Variants in SERPINF2 observed in about 807,000 individuals in gnomAD.
The protein encoded by SERPINF2 is alpha-2-antiplasmin.
SERPINF2 carries 15 observed loss-of-function variants against 45.0 expected under a neutral mutation model. The observed-to-expected ratio is 0.33, with a 90% CI of 0.22 to 0.51. SERPINF2 has a LOEUF of 0.51. Among genes scored for constraint, SERPINF2 ranks in the 20% least tolerant of loss-of-function variants. SERPINF2 has a pLI of 0.97. For synonymous variants in SERPINF2, 283 were observed against 277.9 expected (o/e 1.02, Z -0.18); for missense variants, 518 against 637.4 (o/e 0.81, Z 2.02).
At chr17:1,747,610 G>A (rs1296435481) in intron 7 of SERPINF2, 98 bp downstream of exon 7, 3 of 1,373,174 alleles carry the variant, frequency 2.2e-6, no homozygotes, top group African/African-American at 2.9e-5. Context: ...TGTCACCCAG[G>A]GTGGAGCGCA....
chr17:1,742,936 C>A (rs1438709834), intron 1 of SERPINF2, 28 bp downstream of exon 1: 2 of 985,478 alleles, frequency 2.0e-6, no homozygotes, highest in South Asian at 4.7e-5. Context: ...GCTCGGCCTG[C>A]TCCTTGGGTA....
In SERPINF2 at chr17:1,754,545, C is replaced by T. The variant is rs780034922; in HGVS notation, c.*11C>T. The T allele has an allele frequency of 1.1e-5, 17 of 1,604,106 alleles. No homozygotes were observed. Among genetic ancestry groups the T allele is most frequent in the South Asian group, 5.5e-5 (5 of 90,752 alleles). Reference sequence around the variant, plus strand: ...GGCAGCCCCAAGTGAGGGGCCGTGGCTGTGGCATCCAGAGTCCCTGCCTGG... The same window carrying T: ...GGCAGCCCCAAGTGAGGGGCCGTGGTTGTGGCATCCAGAGTCCCTGCCTGG... On this transcript the variant is annotated 3_prime_UTR_variant, in exon 10 of 10. Coordinates refer to ENST00000453066, the MANE Select transcript of SERPINF2 (RefSeq NM_000934.4).
Position 1,754,236 on chromosome 17 carries a change from C to T in SERPINF2, c.1178C>T (p.Ala393Val), listed in dbSNP as rs763001328. 40 of 1,613,724 alleles carry T rather than the reference C, an allele frequency of 2.5e-5. No individual in the cohort carries two copies. Among genetic ancestry groups the T allele is most frequent in the Non-Finnish European group, 2.9e-5 (34 of 1,179,984 alleles). The change falls in exon 10 of 10, where the codon GCG (alanine) becomes GTG (valine). Residue 393 changes from alanine (A) to valine (V), a missense_variant. Around this residue, in one of 2 missense-constraint regions of SERPINF2, gnomAD observed 435 missense variants for 577.3 expected, o/e 0.75. Coordinates refer to ENST00000453066, the MANE Select transcript of SERPINF2 (RefSeq NM_000934.4). ...TLELSEVGVE[A>V]AAATSIAMSR... The stretch of plus-strand genomic sequence containing the variant: ...GAGCTCAGCGAGGTCGGCGTGGAGG[C>T]GGCGGCGGCCACCAGCATTGCCATG...
chr17:1,744,388 G>A (rs1905596536), intron 1 of SERPINF2, among the ~76,000 whole-genome samples: 1 of 152,104 alleles, frequency 6.6e-6, no homozygotes, highest in South Asian at 2.1e-4. Context: ...AGCTATTCGG[G>A]AGGCTGAAGC....
At chr17:1,748,841 G>A (rs545667334) in intron 8 of SERPINF2, 101 bp downstream of exon 8, 31 of 777,476 alleles carry the variant, frequency 4.0e-5, no homozygotes, top group East Asian at 2.2e-4. Context: ...AGGCTGTCTC[G>A]CCTTCCTTGC....
Position 1,754,111 on chromosome 17 carries a change from G to A in SERPINF2, c.1064-11G>A. On this transcript the variant is annotated splice_polypyrimidine_tract_variant and intron_variant, in intron 9 of 9. Coordinates refer to ENST00000453066, the MANE Select transcript of SERPINF2 (RefSeq NM_000934.4). ...GGGCAGCTCTGACCAGCCATCTCTG[G>A]CCCTGGGCAGGCCTGCAGGAGTTGT... 6.2e-7 allele frequency: 1 copy of A among 1,602,784 alleles called. No homozygotes were observed. Among genetic ancestry groups the A allele is most frequent in the Non-Finnish European group, 8.5e-7 (1 of 1,179,984 alleles).
At position 1,745,635 on chromosome 17, in the gene SERPINF2, C is replaced by T; in HGVS notation, c.166-73C>T. 2 of 1,456,350 alleles carry T rather than the reference C, an allele frequency of 1.4e-6. No individual in the cohort carries two copies. The highest frequency in any genetic ancestry group is 1.9e-6 in the Non-Finnish European group (2 of 1,047,010). 90.2% of individuals were successfully genotyped at this position (1,456,350 alleles called of 1,614,324 possible). A position where few individuals can be genotyped will look rare whatever the true frequency, so the allele number is the denominator to read the frequency against. ...GCCCTGCTGTCCTCAGGCACAGGGG[C>T]TGTGACAAGGCCTTCAACACAGAAC... On this transcript the variant is annotated intron_variant, in intron 4 of 9. Coordinates refer to ENST00000453066, the MANE Select transcript of SERPINF2 (RefSeq NM_000934.4). The surrounding 1 kb of genome is among the most constrained non-coding windows in gnomAD (Gnocchi z 6.2).
intron 8 of SERPINF2, 66 bp from the exon 9 acceptor site, chr17:1,752,520 C>A: frequency 6.8e-7 from 1 of 1,469,496 alleles, no homozygotes; most frequent in Non-Finnish European, 9.5e-7. Flanking sequence ...GGAGCACCTG[C>A]TGGCCCCACC....
In SERPINF2 at chr17:1,747,633, C is replaced by T. The variant is rs556652068; in HGVS notation, c.715+121C>T. On this transcript the variant is annotated intron_variant, in intron 7 of 9. Transcript: ENST00000453066. ...AGGGTGGAGCGCAGTGGCGCGATCT[C>T]GGCTCCCTGCAACCTCCGCCTCCCG... The T allele has an allele frequency of 7.3e-4, 805 of 1,100,720 alleles. 12 individuals carry two copies. In the East Asian group the frequency reaches 0.02, roughly 27 times the overall value. 68.2% of individuals were successfully genotyped at this position (1,100,720 alleles called of 1,614,324 possible).
intron 8 of SERPINF2, among the ~76,000 whole-genome samples, chr17:1,750,556 G>T (rs778171526): frequency 6.6e-6 from 1 of 152,144 alleles, no homozygotes; most frequent in Non-Finnish European, 1.5e-5. Flanking sequence ...CCAAAGTGCT[G>T]GGATTATAGG....
At chr17:1,748,236 G>A (rs1431687974) in intron 7 of SERPINF2, among the ~76,000 whole-genome samples, 1 of 151,864 alleles carries the variant, frequency 6.6e-6, no homozygotes, top group East Asian at 1.9e-4. Context: ...GGGAGGCGGT[G>A]GAGCTTGCAG....
chr17:1,754,144 C>A lies in SERPINF2; in HGVS notation c.1086C>A (p.Ala362=), dbSNP rs765317192. The A allele has an allele frequency of 6.2e-7, 1 of 1,608,008 alleles. No homozygotes were observed. Among genetic ancestry groups the A allele is most frequent in the Non-Finnish European group, 8.5e-7 (1 of 1,180,014 alleles). Residue 362 remains alanine, a synonymous_variant, in exon 10 of 10, where the codon GCC becomes GCA. Coordinates refer to ENST00000453066, the MANE Select transcript of SERPINF2 (RefSeq NM_000934.4). ...SQLGLQELFQ[A]PDLRGISEQS... Reference sequence around the variant, plus strand: ...CAGGCCTGCAGGAGTTGTTCCAGGCCCCAGACCTGCGTGGGATCTCCGAGC... The same window carrying A: ...CAGGCCTGCAGGAGTTGTTCCAGGCACCAGACCTGCGTGGGATCTCCGAGC...
At position 1,755,197 on chromosome 17, in the gene SERPINF2, G is replaced by A. The variant is rs1352877078; in HGVS notation, c.*663G>A. The A allele has an allele frequency of 6.5e-6, 1 of 152,774 alleles. No individual in the cohort carries two copies. Among genetic ancestry groups the A allele is most frequent in the Non-Finnish European group, 1.5e-5 (1 of 68,458 alleles). 9.5% of individuals were successfully genotyped at this position (152,774 alleles called of 1,614,324 possible). On this transcript the variant is annotated 3_prime_UTR_variant, in exon 10 of 10. Transcript: ENST00000453066. This position sits in a 1 kb window ranked among gnomAD's most constrained non-coding sequence, Gnocchi z 4.2. ...ACCGAGGCAGGGAAGGATCCCATGAGCTCCTTAAGGCTCTTTTGTAAGGTT... is the reference window on the plus strand; with the variant it reads ...ACCGAGGCAGGGAAGGATCCCATGAACTCCTTAAGGCTCTTTTGTAAGGTT...
intron 8 of SERPINF2, among the ~76,000 whole-genome samples, chr17:1,750,749 C>T (rs1014456780): frequency 1.9e-4 from 29 of 152,318 alleles, no homozygotes; most frequent in African/African-American, 6.5e-4. Context: ...ACACAGAGCA[C>T]AGCCACTTCT....
rs201329472 is a variant in SERPINF2 at position 1,752,732 on chromosome 17, G to A, written c.1005G>A (p.Arg335=). The A allele has an allele frequency of 2.2e-5, 35 of 1,614,068 alleles. No homozygotes were observed. In the East Asian group the frequency reaches 6.9e-4, roughly 32 times the overall value. The change falls in exon 9 of 10, where the codon CGG becomes CGA. Residue 335 remains arginine, a synonymous_variant. Transcript: ENST00000453066. ...TGTGGGAGAGGCCCACCAAGGTCCGGCTGCCTAAGCTGTATCTGAAACACC... is the reference window on the plus strand; with the variant it reads ...TGTGGGAGAGGCCCACCAAGGTCCGACTGCCTAAGCTGTATCTGAAACACC... ...PLVWERPTKV[R]LPKLYLKHQM... is the part of the protein sequence containing the mutation.
In SERPINF2 at chr17:1,745,405, G is replaced by A; in HGVS notation, c.165+10G>A. The A allele has an allele frequency of 6.2e-7, 1 of 1,612,440 alleles. No homozygotes were observed. The highest frequency in any genetic ancestry group is 1.1e-5 in the South Asian group (1 of 91,052). ...CAAGTTGGGCAACCAGGTACAACCA[G>A]GTGGGGCTGGGGAAGAGTGGGCGGG... On this transcript the variant is annotated intron_variant, in intron 4 of 9. Transcript: ENST00000453066. The surrounding 1 kb of genome is among the most constrained non-coding windows in gnomAD (Gnocchi z 6.2).
chr17:1,752,835 G>T, intron 9 of SERPINF2, 45 bp downstream of exon 9: 1 of 1,532,224 alleles, frequency 6.5e-7, no homozygotes, highest in South Asian at 1.2e-5. Context: ...AGGCTGGGCA[G>T]GGCGGGTAAG....
rs530005008 is a variant in SERPINF2 at position 1,750,450 on chromosome 17, T to A, written c.858+1710T>A. Among the ~76,000 whole-genome samples, 12 of 151,548 alleles carry A rather than the reference T, an allele frequency of 7.9e-5. No individual in the cohort carries two copies. The East Asian group carries it at 1.4e-3, about 17-fold the overall frequency. ...GTGTGAGCCACCGTGCCCGGCCAAT[T>A]TTTGTATTTTTTTTTTTTAGTAGAG... On this transcript the variant is annotated intron_variant, in intron 8 of 9. Coordinates refer to ENST00000453066, the MANE Select transcript of SERPINF2 (RefSeq NM_000934.4).
rs145418861 is a variant in SERPINF2, at chr17:1,745,813, G to A, written c.271G>A (p.Ala91Thr). The A allele has an allele frequency of 1.3e-4, 204 of 1,614,030 alleles. No individual in the cohort carries two copies. The highest frequency in any genetic ancestry group is 1.6e-4 in the Non-Finnish European group (192 of 1,180,028). ...GGCCCGGGCCATGATGGCCTTCACT[G>A]CCGACCTGTTCTCCCTGGTGGCTCA... ...RLARAMMAFT[A>T]DLFSLVAQTS... Residue 91 changes from alanine to threonine, a missense_variant, in exon 5 of 10, where the codon GCC (alanine) becomes ACC (threonine). This residue lies in a region of SERPINF2 where 435 missense variants were observed against 577.3 expected (regional missense o/e 0.75). Transcript: ENST00000453066. This position sits in a 1 kb window ranked among gnomAD's most constrained non-coding sequence, Gnocchi z 6.2.
Sources: gnomAD v4.1 joint callset for allele counts (sites outside exome capture counted in the v4.1 genomes callset) on GRCh38, gnomAD v4.1.1 for gene constraint, gnomAD v4.1.1 regional missense constraint, Gnocchi (gnomAD v3.1) non-coding constraint, MANE v1.5 for transcripts, NCBI Gene and HGNC (gene_info 2026-07-23, HGNC 2026-07-21) for gene names.